BMERB1: variants seen among roughly 807,000 people sequenced by gnomAD.
BMERB1 encodes bMERB domain-containing protein 1.
BMERB1 carries 12 observed loss-of-function variants against 23.6 expected under a neutral mutation model. That is an observed-to-expected ratio of 0.51 (90% CI 0.33 to 0.82). BMERB1 has a LOEUF of 0.82. Ranked by LOEUF, BMERB1 falls within the 40% of genes least tolerant of loss-of-function variation. The pLI is 0.03. For synonymous variants in BMERB1, 122 were observed against 96.6 expected, an observed-to-expected ratio of 1.26 and a Z score of -1.54; for missense variants, 247 against 255.4, an observed-to-expected ratio of 0.97 and a Z score of 0.22.
intron 1 of BMERB1, among the ~76,000 whole-genome samples, chr16:15,489,058 G>C (rs943473091): frequency 1.3e-5 from 2 of 152,092 alleles, no homozygotes; most frequent in Non-Finnish European, 2.9e-5. Context: ...TTTCCCCCAG[G>C]GGGGTTCACA....
rs115220450 is a variant in BMERB1, at chr16:15,510,412, C to T, written c.107-4893C>T. Among the ~76,000 whole-genome samples the T allele has an allele frequency of 5.5e-3, 834 of 152,276 alleles. 8 individuals carry two copies. Among genetic ancestry groups the T allele is most frequent in the African/African-American group, 0.019 (807 of 41,550 alleles). ...AATGAGAACCTACTGAACTTGCTGG[C>T]TTATGGCGAGGATTAAAAGAGGTGA... On this transcript the variant is annotated intron_variant, in intron 1 of 5. Transcript: ENST00000300006.
At chr16:15,512,878 CAAAAA>C (rs34739697) in intron 1 of BMERB1, among the ~76,000 whole-genome samples, 1 of 130,914 alleles carries the variant, frequency 7.6e-6, no homozygotes, top group Admixed American at 7.7e-5. Flanking sequence ...TACTCCGTCT[CAAAAA>C]AAAAAAAGAG....
At chr16:15,523,364 G>A (rs1258535921) in intron 2 of BMERB1, among the ~76,000 whole-genome samples, 1 of 152,128 alleles carries the variant, frequency 6.6e-6, no homozygotes, top group Non-Finnish European at 1.5e-5. Flanking sequence ...GGTGGTCTTG[G>A]GAAATGCAAC....
At chr16:15,551,644 C>CACATGGGCTGT (rs1376905529) in intron 2 of BMERB1, among the ~76,000 whole-genome samples, 1 of 152,122 alleles carries the variant, frequency 6.6e-6, no homozygotes, top group Non-Finnish European at 1.5e-5. Context: ...CACAGGGATG[C>CACATGGGCTGT]ACATGGGCTG....
Position 15,587,793 on chromosome 16 carries a change from ACTT to A in BMERB1, c.*966_*968del, listed in dbSNP as rs2031190272. On this transcript the variant is annotated 3_prime_UTR_variant, in exon 6 of 6. Coordinates refer to ENST00000300006, the MANE Select transcript of BMERB1 (RefSeq NM_033201.3). The stretch of plus-strand genomic sequence containing the variant: ...GCATATGTTAACTAGCTGCCAAACA[ACTT>A]CAACCCGTGTAATTCATGTACATTT... 1 of 270,874 alleles carries A rather than the reference ACTT, an allele frequency of 3.7e-6. No individual in the cohort carries two copies. The highest frequency in any genetic ancestry group is 2.3e-5 in the African/African-American group (1 of 44,318). The allele number at this position is 270,874 out of a possible 1,614,324, so 16.8% of individuals were successfully genotyped here.
At chr16:15,513,568 C>G (rs966553967) in intron 1 of BMERB1, among the ~76,000 whole-genome samples, 1 of 152,132 alleles carries the variant, frequency 6.6e-6, no homozygotes, top group African/African-American at 2.4e-5. Context: ...AACATTTTAA[C>G]TGCTAACATT....
At chr16:15,569,824 C>T (rs919669036) in intron 3 of BMERB1, among the ~76,000 whole-genome samples, 4 of 152,180 alleles carry the variant, frequency 2.6e-5, no homozygotes, top group African/African-American at 9.7e-5. Context: ...CTTGTGACCT[C>T]TGGAATAATG....
chr16:15,444,169 G>C lies in BMERB1; in HGVS notation c.106+9410G>C, dbSNP rs528793529. On this transcript the variant is annotated intron_variant, in intron 1 of 5. Transcript: ENST00000300006. ...TTTTTTTGGCTGTTTCTTTCCCCTTGGCTTAATGGATCCTGGGACTGCCTG... is the reference window on the plus strand; with the variant it reads ...TTTTTTTGGCTGTTTCTTTCCCCTTCGCTTAATGGATCCTGGGACTGCCTG... Among the ~76,000 whole-genome samples the C allele has an allele frequency of 3.6e-4, 22 of 61,122 alleles. 1 individual carries two copies. In the East Asian group the frequency reaches 0.012, roughly 33 times the overall value. The allele number at this position is 61,122 out of a possible 152,430, so 40.1% of individuals were successfully genotyped here. A position where few individuals can be genotyped will look rare whatever the true frequency, so the allele number is the denominator to read the frequency against.
chr16:15,571,954 A>C (rs2030739464), intron 3 of BMERB1, among the ~76,000 whole-genome samples: 1 of 152,038 alleles, frequency 6.6e-6, no homozygotes, highest in African/African-American at 2.4e-5. Context: ...AGTCCTTAAG[A>C]TCCTCTGCAG....
chr16:15,509,759 C>G (rs772430262), intron 1 of BMERB1, among the ~76,000 whole-genome samples: 5 of 152,202 alleles, frequency 3.3e-5, no homozygotes, highest in African/African-American at 4.8e-5. Flanking sequence ...TGTCAGGAAG[C>G]TTGCAAGGCT....
chr16:15,556,561 C>A (rs997437449), intron 2 of BMERB1, among the ~76,000 whole-genome samples: 1 of 151,928 alleles, frequency 6.6e-6, no homozygotes, highest in African/African-American at 2.4e-5. Context: ...CTCATCTAAA[C>A]CCCTCATCTT....
At chr16:15,513,161 C>T (rs763072597) in intron 1 of BMERB1, among the ~76,000 whole-genome samples, 2 of 152,092 alleles carry the variant, frequency 1.3e-5, no homozygotes, top group African/African-American at 2.4e-5. Context: ...CAGCCATTCA[C>T]CCTAGAAACA....
At chr16:15,550,232 G>A (rs1366756459) in intron 2 of BMERB1, among the ~76,000 whole-genome samples, 15 of 151,940 alleles carry the variant, frequency 9.9e-5, no homozygotes, top group Non-Finnish European at 4.4e-5. Flanking sequence ...GAGCCACCGC[G>A]CCCGGCCCAA....
At chr16:15,575,214 C>A (rs1020968634) in intron 3 of BMERB1, among the ~76,000 whole-genome samples, 1 of 152,192 alleles carries the variant, frequency 6.6e-6, no homozygotes, top group African/African-American at 2.4e-5. Flanking sequence ...GAATTCAGTC[C>A]TTAGTCTTCC....
intron 1 of BMERB1, among the ~76,000 whole-genome samples, chr16:15,437,850 G>C (rs569345354): frequency 2.4e-4 from 37 of 151,984 alleles, no homozygotes; most frequent in African/African-American, 7.0e-4. Context: ...CCCAGCTGCC[G>C]GGGAGGCTGA....
chr16:15,578,836 A>G (rs1193142354), intron 3 of BMERB1, among the ~76,000 whole-genome samples: 2 of 152,116 alleles, frequency 1.3e-5, no homozygotes, highest in South Asian at 2.1e-4. Context: ...TCTTAATACT[A>G]TGACCATGGA....
chr16:15,565,194 G>A (rs1013740538), intron 2 of BMERB1, among the ~76,000 whole-genome samples: 5 of 152,168 alleles, frequency 3.3e-5, no homozygotes, highest in African/African-American at 1.2e-4. Flanking sequence ...GCTGAGGAAC[G>A]AGGCAGAAAG....
chr16:15,560,393 A>C (rs1459817223), intron 2 of BMERB1, among the ~76,000 whole-genome samples: 1 of 152,230 alleles, frequency 6.6e-6, no homozygotes, highest in Non-Finnish European at 1.5e-5. Flanking sequence ...CACGTAGGTC[A>C]AGGTTCTGCA....
intron 3 of BMERB1, among the ~76,000 whole-genome samples, chr16:15,573,129 G>A (rs570318494): frequency 6.6e-6 from 1 of 152,256 alleles, no homozygotes; most frequent in African/African-American, 2.4e-5. Flanking sequence ...AAGACCAGCT[G>A]TCTCCCCAGA....
Sources: allele counts gnomAD v4.1 joint callset (sites outside exome capture counted in the v4.1 genomes callset), GRCh38; gene constraint gnomAD v4.1.1; transcripts MANE v1.5; gene names NCBI Gene and HGNC (gene_info 2026-07-23, HGNC 2026-07-21).